The following RPTOR variants were observed in gnomAD, a reference collection of about 807,000 sequenced individuals.
RPTOR encodes regulatory-associated protein of mTOR.
In RPTOR, 21 loss-of-function variants were observed where a neutral mutation model predicts 169.9. That is an observed-to-expected ratio of 0.12 (90% CI 0.09 to 0.18). RPTOR has a LOEUF of 0.18. Among genes scored for constraint, RPTOR ranks in the 10% least tolerant of loss-of-function variants. The pLI, the probability that RPTOR is intolerant of heterozygous loss-of-function variation, is 1.00. For missense variants in RPTOR, 1,133 were observed against 1,855.9 expected (o/e 0.61, Z 7.16); for synonymous variants, 732 against 753.2 (o/e 0.97, Z 0.46).
rs989632225 is a variant in RPTOR at position 80,861,692 on chromosome 17, T to G, written c.1509+3792T>G. Among the ~76,000 whole-genome samples the G allele has an allele frequency of 6.6e-6, 1 of 152,200 alleles. No homozygotes were observed. The highest frequency in any genetic ancestry group is 2.4e-5 in the African/African-American group (1 of 41,454). ...AAGGGAGGAAGAGATGCCATCTGCA[T>G]GCAGAGGTCTGGGATTACGGCCGCC... On this transcript the variant is annotated intron_variant, in intron 13 of 33. Coordinates refer to ENST00000306801, the MANE Select transcript of RPTOR (RefSeq NM_020761.3). The surrounding 1 kb of genome is among the most constrained non-coding windows in gnomAD (Gnocchi z 4.5).
intron 25 of RPTOR, among the ~76,000 whole-genome samples, chr17:80,944,834 T>C (rs1277967166): frequency 6.6e-6 from 1 of 151,830 alleles, no homozygotes; most frequent in Non-Finnish European, 1.5e-5. Flanking sequence ...CTACTAAAAA[T>C]ACAAAAATTA....
At chr17:80,784,517 G>A (rs1467131492) in intron 6 of RPTOR, among the ~76,000 whole-genome samples, 3 of 151,634 alleles carry the variant, frequency 2.0e-5, no homozygotes, top group Non-Finnish European at 4.4e-5. Flanking sequence ...TCAGCCTCCC[G>A]AGTAGCTGGG....
At chr17:80,653,041 G>GTCTC (rs1287570505) in intron 3 of RPTOR, among the ~76,000 whole-genome samples, 1 of 152,186 alleles carries the variant, frequency 6.6e-6, no homozygotes, top group Non-Finnish European at 1.5e-5. Flanking sequence ...ATTTGGAGGA[G>GTCTC]TCTCTATTCA....
Position 80,609,197 on chromosome 17 carries a change from G to C in RPTOR, c.163-16494G>C, listed in dbSNP as rs1366531286. Among the ~76,000 whole-genome samples the C allele has an allele frequency of 2.6e-5, 4 of 152,160 alleles. No homozygotes were observed. Among genetic ancestry groups the C allele is most frequent in the Non-Finnish European group, 4.4e-5 (3 of 68,018 alleles). On this transcript the variant is annotated intron_variant, in intron 1 of 33. Coordinates refer to ENST00000306801, the MANE Select transcript of RPTOR (RefSeq NM_020761.3). This position sits in a 1 kb window ranked among gnomAD's most constrained non-coding sequence, Gnocchi z 4.8. ...CATGCGGCGTGCAGACCTTTCCTTA[G>C]GTTTGTGCTGGGTGCTCTGCTCTCA... is the stretch of plus-strand genomic sequence containing the variant.
intron 1 of RPTOR, among the ~76,000 whole-genome samples, chr17:80,622,360 T>C (rs1471881590): frequency 6.6e-6 from 1 of 152,252 alleles, no homozygotes; most frequent in Non-Finnish European, 1.5e-5. Flanking sequence ...CAGTTTATCC[T>C]CAAAGGCTGA....
chr17:80,577,950 C>A (rs569102895), intron 1 of RPTOR, among the ~76,000 whole-genome samples: 1 of 152,208 alleles, frequency 6.6e-6, no homozygotes, highest in Non-Finnish European at 1.5e-5. Flanking sequence ...TATGGCCTGA[C>A]GCTGTGATGT....
intron 13 of RPTOR, among the ~76,000 whole-genome samples, chr17:80,866,642 G>C (rs2067995341): frequency 6.6e-6 from 1 of 152,218 alleles, no homozygotes; most frequent in South Asian, 2.1e-4. Flanking sequence ...AAGGATGATA[G>C]GCAAATATCA....
chr17:80,608,912 C>T (rs746775751), intron 1 of RPTOR, among the ~76,000 whole-genome samples: 3 of 152,176 alleles, frequency 2.0e-5, no homozygotes, highest in Admixed American at 1.3e-4. Flanking sequence ...GGTGGTCAGA[C>T]GCCTATTAGT....
chr17:80,844,931 C>T lies in RPTOR; in HGVS notation c.1213-1542C>T, dbSNP rs1481925211. On this transcript the variant is annotated intron_variant, in intron 10 of 33. Transcript: ENST00000306801. The surrounding 1 kb of genome is among the most constrained non-coding windows in gnomAD (Gnocchi z 4.7). ...CTTCCCCCCGAGCAAAATCAAACAA[C>T]GTAGGGAAGAGAGGATAGTGGATGG... Among the ~76,000 whole-genome samples, 3 of 151,800 alleles carry T rather than the reference C, an allele frequency of 2.0e-5. No homozygotes were observed. Among genetic ancestry groups the T allele is most frequent in the Admixed American group, 1.3e-4 (2 of 15,272 alleles).
chr17:80,786,145 A>C (rs1216743814), intron 6 of RPTOR, among the ~76,000 whole-genome samples: 4 of 152,258 alleles, frequency 2.6e-5, no homozygotes, highest in African/African-American at 9.6e-5. Context: ...TGAAAGTTAG[A>C]CTGACGCACT....
intron 1 of RPTOR, among the ~76,000 whole-genome samples, chr17:80,563,090 G>A (rs1363532600): frequency 1.3e-5 from 2 of 152,178 alleles, no homozygotes; most frequent in South Asian, 2.1e-4. Context: ...GGTCAGACCC[G>A]CAGTTTGGCC....
In RPTOR at chr17:80,857,877, G is replaced by T. The variant is rs781139927; in HGVS notation, c.1486G>T (p.Ala496Ser). ...ELRPLLVFIW[A>S]KILAVDSSCQ... is the part of the protein sequence containing the mutation. Reference sequence around the variant, plus strand: ...GCGGCCACTTCTCGTTTTCATCTGGGCCAAGATCCTCGCAGTGGACAGCGT... The same window carrying T: ...GCGGCCACTTCTCGTTTTCATCTGGTCCAAGATCCTCGCAGTGGACAGCGT... The change falls in exon 13 of 34, where the codon GCC becomes TCC. Residue 496 changes from alanine to serine, a missense_variant. This residue lies in a region of RPTOR where 289 missense variants were observed against 585.8 expected (regional missense o/e 0.49). Coordinates refer to ENST00000306801, the MANE Select transcript of RPTOR (RefSeq NM_020761.3). 1.9e-6 allele frequency: 3 copies of T among 1,613,398 alleles called. No homozygotes were observed. Among genetic ancestry groups the T allele is most frequent in the Middle Eastern group, 1.7e-4 (1 of 6,060 alleles).
chr17:80,678,669 A>G (rs1042295160), intron 3 of RPTOR, among the ~76,000 whole-genome samples: 1 of 152,204 alleles, frequency 6.6e-6, no homozygotes, highest in Admixed American at 6.5e-5. Flanking sequence ...ATAGACAGTC[A>G]CCCATTCACG....
At position 80,899,021 on chromosome 17, in the gene RPTOR, C is replaced by A. The variant is rs896342521; in HGVS notation, c.2401+5156C>A. Among the ~76,000 whole-genome samples, 3 of 152,060 alleles carry A rather than the reference C, an allele frequency of 2.0e-5. No homozygotes were observed. In the East Asian group the frequency reaches 5.8e-4, roughly 29 times the overall value. ...GATAGAACGAGTCCAGAGCTTGCAC[C>A]ATGCCCTCCAGGGTATGGAGAACTG... On this transcript the variant is annotated intron_variant, in intron 20 of 33. Coordinates refer to ENST00000306801, the MANE Select transcript of RPTOR (RefSeq NM_020761.3).
chr17:80,856,927 G>A (rs1039745299), intron 12 of RPTOR, among the ~76,000 whole-genome samples: 3 of 152,184 alleles, frequency 2.0e-5, no homozygotes, highest in East Asian at 3.8e-4. Context: ...CCAGCCACCC[G>A]AACCAGAGAA....
intron 1 of RPTOR, among the ~76,000 whole-genome samples, chr17:80,574,389 A>G (rs2064940734): frequency 6.8e-6 from 1 of 146,706 alleles, no homozygotes; most frequent in African/African-American, 2.5e-5. Flanking sequence ...GATGGTCTCG[A>G]TCTCCTGACC....
chr17:80,876,599 G>T (rs993059640), intron 13 of RPTOR, among the ~76,000 whole-genome samples: 1 of 120,458 alleles, frequency 8.3e-6, no homozygotes, highest in Non-Finnish European at 1.7e-5. Flanking sequence ...CTTCCACCAA[G>T]CCCCTCCGCC....
At chr17:80,903,708 C>G (rs1269273311) in intron 20 of RPTOR, among the ~76,000 whole-genome samples, 1 of 152,150 alleles carries the variant, frequency 6.6e-6, no homozygotes, top group African/African-American at 2.4e-5. Context: ...AGAGTCCTTA[C>G]AAGCCCCGCG....
chr17:80,689,211 A>C (rs1440074188), intron 3 of RPTOR, among the ~76,000 whole-genome samples: 1 of 152,246 alleles, frequency 6.6e-6, no homozygotes, highest in Non-Finnish European at 1.5e-5. Context: ...GCCAGAAGCT[A>C]GTCAGCAGAT....
Sources: allele counts gnomAD v4.1 joint callset (sites outside exome capture counted in the v4.1 genomes callset), GRCh38; gene constraint gnomAD v4.1.1; regional missense constraint gnomAD v4.1.1; non-coding constraint Gnocchi (gnomAD v3.1); transcripts MANE v1.5; gene names NCBI Gene and HGNC (gene_info 2026-07-23, HGNC 2026-07-21).